SCHIP1: variants seen among roughly 807,000 people sequenced by gnomAD.
The protein encoded by SCHIP1 is schwannomin-interacting protein 1.
SCHIP1 carries 8 observed loss-of-function variants against 29.7 expected under a neutral mutation model. The observed-to-expected ratio is 0.27, with a 90% CI of 0.16 to 0.49. The LOEUF is 0.49. Among genes scored for constraint, SCHIP1 ranks in the 20% least tolerant of loss-of-function variants. The pLI, the probability that SCHIP1 is intolerant of heterozygous loss-of-function variation, is 0.99. For synonymous variants in SCHIP1, 76 were observed against 94.9 expected (o/e 0.80, Z 1.16); for missense variants, 193 against 294.6 (o/e 0.66, Z 2.52).
chr3:159,411,148 AG>A, the SCHIP1 span, among the ~76,000 whole-genome samples: 5 of 151,868 alleles, frequency 3.3e-5, no homozygotes, highest in African/African-American at 4.8e-5. Flanking sequence ...GTGGTGGGGG[AG>A]GGGGCACGAT....
chr3:159,734,040 G>C, the SCHIP1 span, among the ~76,000 whole-genome samples: 60 of 151,222 alleles, frequency 4.0e-4, no homozygotes, highest in African/African-American at 1.4e-3. Flanking sequence ...CAAATACATT[G>C]CTTTCAAATA....
the SCHIP1 span, among the ~76,000 whole-genome samples, chr3:159,506,725 T>C: frequency 6.6e-6 from 1 of 152,218 alleles, no homozygotes; most frequent in Non-Finnish European, 1.5e-5. Context: ...GAATAGGGAA[T>C]CCTCTCCCCA....
chr3:159,612,517 A>G, the SCHIP1 span, among the ~76,000 whole-genome samples: 9,551 of 152,190 alleles, frequency 0.063, 1,009 homozygotes, highest in African/African-American at 0.21. Context: ...GAGGCCAAGG[A>G]GGGCAGATTA....
the SCHIP1 span, among the ~76,000 whole-genome samples, chr3:159,495,617 C>T: frequency 6.6e-6 from 1 of 152,166 alleles, no homozygotes; most frequent in Non-Finnish European, 1.5e-5. Context: ...AGGATACAAA[C>T]AAATGGAAGA....
chr3:159,715,572 T>C, the SCHIP1 span, among the ~76,000 whole-genome samples: 2 of 152,158 alleles, frequency 1.3e-5, no homozygotes, highest in African/African-American at 4.8e-5. Context: ...CTGATGGAGC[T>C]GAAAACCATG....
In SCHIP1 at chr3:159,869,222, C is replaced by A. The variant is rs111301086; in HGVS notation, c.149+2941C>A. On this transcript the variant is annotated intron_variant, in intron 2 of 6. Coordinates refer to ENST00000445224, the Ensembl canonical transcript of SCHIP1. Reference sequence around the variant, plus strand: ...CACTTTTTTAATATGTGTTTTATGACCAGAAGTTCTGAATTTTATAGGTTG... The same window carrying A: ...CACTTTTTTAATATGTGTTTTATGAACAGAAGTTCTGAATTTTATAGGTTG... Among the ~76,000 whole-genome samples, 184 of 151,946 alleles carry A rather than the reference C, an allele frequency of 1.2e-3. 1 individual carries two copies. The highest frequency in any genetic ancestry group is 4.2e-3 in the African/African-American group (176 of 41,504).
the SCHIP1 span, among the ~76,000 whole-genome samples, chr3:159,594,242 C>A: frequency 6.6e-6 from 1 of 152,170 alleles, no homozygotes; most frequent in South Asian, 2.1e-4. Context: ...AAGCTGGAGG[C>A]CAGCATTGAT....
At chr3:159,887,529 A>G (rs1560097343) in intron 3 of SCHIP1, 179 bp from the exon 5 acceptor site, 1 of 671,302 alleles carries the variant, frequency 1.5e-6, no homozygotes, top group East Asian at 2.5e-5. Flanking sequence ...GCTAAAATCT[A>G]TTTTAAACTA....
chr3:159,838,602 C>A (rs192012354), upstream of SCHIP1, among the ~76,000 whole-genome samples: 184 of 152,196 alleles, frequency 1.2e-3, 5 homozygotes, highest in East Asian at 0.032. Context: ...TATTAAGAAA[C>A]AACATGGGCC....
At chr3:159,687,007 T>A in the SCHIP1 span, among the ~76,000 whole-genome samples, 1 of 152,260 alleles carries the variant, frequency 6.6e-6, no homozygotes, top group Non-Finnish European at 1.5e-5. Context: ...GTGCCCACAC[T>A]CCCTTGATAA....
chr3:159,530,843 G>A, the SCHIP1 span, among the ~76,000 whole-genome samples: 4 of 152,148 alleles, frequency 2.6e-5, no homozygotes, highest in African/African-American at 9.7e-5. Context: ...ATCAGGTTCT[G>A]CTTATAAAAT....
At chr3:159,428,436 C>T in the SCHIP1 span, among the ~76,000 whole-genome samples, 2 of 152,104 alleles carry the variant, frequency 1.3e-5, no homozygotes, top group African/African-American at 2.4e-5. Context: ...CCAAAAAAGA[C>T]ATGCAAAAAT....
At chr3:159,422,333 G>T in the SCHIP1 span, among the ~76,000 whole-genome samples, 1 of 152,100 alleles carries the variant, frequency 6.6e-6, no homozygotes, top group African/African-American at 2.4e-5. Flanking sequence ...TATCATTTTT[G>T]CCAAATATAT....
chr3:159,822,772 C>T, the SCHIP1 span, among the ~76,000 whole-genome samples: 7 of 151,010 alleles, frequency 4.6e-5, no homozygotes, highest in African/African-American at 7.3e-5. Context: ...GTGGCTGCAA[C>T]GGGGAGGGCT....
chr3:159,532,382 A>G, the SCHIP1 span, among the ~76,000 whole-genome samples: 78 of 152,308 alleles, frequency 5.1e-4, 2 homozygotes, highest in South Asian at 0.016. Context: ...TATCTGACCC[A>G]TTACCGAGAA....
chr3:159,802,190 A>T, the SCHIP1 span, among the ~76,000 whole-genome samples: 2 of 152,098 alleles, frequency 1.3e-5, no homozygotes, highest in African/African-American at 4.8e-5. Flanking sequence ...ATTTATTTTT[A>T]TTTTTTGGCA....
chr3:159,825,099 G>A, the SCHIP1 span, among the ~76,000 whole-genome samples: 9,763 of 152,156 alleles, frequency 0.064, 999 homozygotes, highest in African/African-American at 0.22. Flanking sequence ...CTTTTTTGAA[G>A]TGTACAAGTT....
At chr3:159,542,011 C>T in the SCHIP1 span, among the ~76,000 whole-genome samples, 1 of 152,112 alleles carries the variant, frequency 6.6e-6, no homozygotes, top group Admixed American at 6.6e-5. Context: ...TTCCAGGAAC[C>T]TTTGGGGATG....
At chr3:159,413,871 T>C in the SCHIP1 span, among the ~76,000 whole-genome samples, 1 of 152,170 alleles carries the variant, frequency 6.6e-6, no homozygotes, top group Non-Finnish European at 1.5e-5. Flanking sequence ...ATTCAATATT[T>C]TTTATACTCA....
Sources: allele counts gnomAD v4.1 joint callset (sites outside exome capture counted in the v4.1 genomes callset), GRCh38; gene constraint gnomAD v4.1.1; transcripts MANE v1.5; gene names NCBI Gene and HGNC (gene_info 2026-07-23, HGNC 2026-07-21).